The following HPGD variants were observed in gnomAD, a reference collection of about 807,000 sequenced individuals.
HPGD encodes the protein 15-hydroxyprostaglandin dehydrogenase, also known as 15-hydroxyprostaglandin dehydrogenase [NAD(+)].
In HPGD, 29 loss-of-function variants were observed where a neutral mutation model predicts 30.0. The ratio of observed to expected loss-of-function variants is 0.97; its 90% CI spans 0.72 to 1.32. HPGD has a LOEUF of 1.32. Among genes scored for constraint, HPGD ranks in the 40% most tolerant of loss-of-function variants. The pLI, the probability that HPGD is intolerant of heterozygous loss-of-function variation, is 0.00. For missense variants in HPGD, 340 were observed against 322.1 expected (o/e 1.06, Z -0.43); for synonymous variants, 99 against 112.4 (o/e 0.88, Z 0.75).
intron 4 of HPGD, among the ~76,000 whole-genome samples, chr4:174,504,427 A>G (rs375551436): frequency 8.5e-5 from 13 of 152,268 alleles, no homozygotes; most frequent in African/African-American, 2.6e-4. Context: ...GCATGTCCCT[A>G]GTGAACACCA....
intron 3 of HPGD, among the ~76,000 whole-genome samples, chr4:174,514,181 A>C (rs1464175816): frequency 6.6e-6 from 1 of 152,144 alleles, no homozygotes; most frequent in Non-Finnish European, 1.5e-5. Context: ...ATAATGGAAG[A>C]TTTAGCCAAG....
chr4:174,501,943 C>A (rs1215077859), intron 4 of HPGD, among the ~76,000 whole-genome samples: 1 of 152,114 alleles, frequency 6.6e-6, no homozygotes, highest in African/African-American at 2.4e-5. Context: ...ACAGGGCAGT[C>A]ATACTAAATC....
At chr4:174,515,735 C>T (rs567726284) in intron 3 of HPGD, among the ~76,000 whole-genome samples, 1 of 151,914 alleles carries the variant, frequency 6.6e-6, no homozygotes, top group Admixed American at 6.6e-5. Flanking sequence ...TGACAAAGGT[C>T]TAATATACAG....
chr4:174,522,656 C>T, upstream of HPGD: 1 of 471,132 alleles, frequency 2.1e-6, no homozygotes, highest in Non-Finnish European at 3.7e-6. Flanking sequence ...CGCCAAGCTT[C>T]GCGATCTTTG....
intron 2 of HPGD, 31 bp downstream of exon 2, chr4:174,521,913 C>T: frequency 6.2e-7 from 1 of 1,613,652 alleles, no homozygotes; most frequent in Non-Finnish European, 8.5e-7. Flanking sequence ...AGAGCACGTT[C>T]CCAGTTGACA....
rs983779110 is a variant in HPGD, at chr4:174,522,313, G to A, written c.93+46C>T. The A allele has an allele frequency of 4.0e-6, 6 of 1,505,300 alleles. No homozygotes were observed. The Admixed American group carries it at 9.8e-5, about 25-fold the overall frequency. The allele number at this position is 1,505,300 out of a possible 1,614,324, so 93.2% of individuals were successfully genotyped here. A position where few individuals can be genotyped will look rare whatever the true frequency, so the allele number is the denominator to read the frequency against. On this transcript the variant is annotated intron_variant, in intron 1 of 6. Transcript: ENST00000296522. ...CACCTCGGGCGGCGGGGCGAGTCTC[G>A]GAGTGTGTGGGCAGAGAAATTTCCG...
intron 2 of HPGD, 107 bp downstream of exon 2, chr4:174,521,837 C>T (rs888255948): frequency 1.5e-6 from 2 of 1,313,880 alleles, no homozygotes; most frequent in Non-Finnish European, 2.2e-6. Context: ...TAGCTGCTCT[C>T]GAGGAGGCAG....
intron 4 of HPGD, among the ~76,000 whole-genome samples, chr4:174,497,572 T>TC (rs1560976946): frequency 3.2e-3 from 31 of 9,644 alleles, no homozygotes; most frequent in African/African-American, 5.4e-3. Flanking sequence ...TTCTTTCTTT[T>TC]TTTTTTTTTT....
chr4:174,521,019 C>T (rs1736075334), intron 2 of HPGD, among the ~76,000 whole-genome samples: 1 of 152,116 alleles, frequency 6.6e-6, no homozygotes, highest in Admixed American at 6.5e-5. Flanking sequence ...AATAAATGTA[C>T]ATTTGATGTC....
chr4:174,508,796 A>ATT lies in HPGD; in HGVS notation c.325-5_325-4insAA. The ATT allele has an allele frequency of 6.8e-7, 1 of 1,480,600 alleles. No homozygotes were observed. Among genetic ancestry groups the ATT allele is most frequent in the Non-Finnish European group, 9.4e-7 (1 of 1,059,130 alleles). The allele number at this position is 1,480,600 out of a possible 1,614,324, so 91.7% of individuals were successfully genotyped here. A position where few individuals can be genotyped will look rare whatever the true frequency, so the allele number is the denominator to read the frequency against. ...AGGTTCCACTGATAACAGAAACCTA[A>ATT]TCCAGAGGCATAAGTGAGAAAAGGA... On this transcript the variant is annotated splice_region_variant and splice_polypyrimidine_tract_variant and intron_variant, in intron 3 of 6. Coordinates refer to ENST00000296522, the MANE Select transcript of HPGD (RefSeq NM_000860.6).
rs536087464 is a variant in HPGD at position 174,517,100 on chromosome 4, C to G, written c.324+871G>C. Among the ~76,000 whole-genome samples, 150 of 152,178 alleles carry G rather than the reference C, an allele frequency of 9.9e-4. 1 individual carries two copies. The highest frequency in any genetic ancestry group is 1.8e-3 in the Non-Finnish European group (124 of 68,032). ...AGCAAGGTCAGGGAGACCCCAGGCA[C>G]AGCCTATTTGACATTTAGTTTTAGT... On this transcript the variant is annotated intron_variant, in intron 3 of 6. Transcript: ENST00000296522.
chr4:174,521,891 T>C, intron 2 of HPGD, 53 bp downstream of exon 2: 2 of 1,611,614 alleles, frequency 1.2e-6, no homozygotes, highest in Non-Finnish European at 1.7e-6. Flanking sequence ...GCCTTCAGGT[T>C]GTTGCTTGTT....
chr4:174,516,366 C>T (rs1014061215), intron 3 of HPGD, among the ~76,000 whole-genome samples: 3 of 152,142 alleles, frequency 2.0e-5, no homozygotes, highest in Non-Finnish European at 4.4e-5. Context: ...GAGCATTATC[C>T]TAAGCAAATT....
chr4:174,521,939 C>G lies in HPGD; in HGVS notation c.217+5G>C, dbSNP rs1467749749. On this transcript the variant is annotated splice_donor_5th_base_variant and intron_variant, in intron 2 of 6. Coordinates refer to ENST00000296522, the MANE Select transcript of HPGD (RefSeq NM_000860.6). ...CCAGTTGACAGATTGATTCCCCTGT[C>G]TTACCTCTCAGTTGTTGCTGGTCAG... 1.9e-6 allele frequency: 3 copies of G among 1,614,114 alleles called. No homozygotes were observed. Among genetic ancestry groups the G allele is most frequent in the Non-Finnish European group, 2.5e-6 (3 of 1,179,994 alleles).
At position 174,495,552 on chromosome 4, in the gene HPGD, G is replaced by C; in HGVS notation, c.494C>G (p.Ala165Gly). Residue 165 changes from alanine to glycine, a missense_variant, in exon 5 of 7, where the codon GCA becomes GGA. Ala to Gly is a moderately conservative substitution (Grantham distance 60). Coordinates refer to ENST00000296522, the MANE Select transcript of HPGD (RefSeq NM_000860.6). ...TGACGGTTGTTGTAGCCTCACCGCTGCTGAGCGTGTGAATCCAACTATGCC... is the reference window on the plus strand; with the variant it reads ...TGACGGTTGTTGTAGCCTCACCGCTCCTGAGCGTGTGAATCCAACTATGCC... ...KHGIVGFTRS[A>G]ALAANLMNSG... 2 of 1,608,710 alleles carry C rather than the reference G, an allele frequency of 1.2e-6. No individual in the cohort carries two copies. Among genetic ancestry groups the C allele is most frequent in the Non-Finnish European group, 1.7e-6 (2 of 1,175,126 alleles).
intron 4 of HPGD, chr4:174,506,686 A>G (rs1735207198): frequency 6.6e-6 from 1 of 152,252 alleles, no homozygotes; most frequent in African/African-American, 2.4e-5. Flanking sequence ...TCAGGTAAAC[A>G]GTGCTCAATA....
intron 4 of HPGD, among the ~76,000 whole-genome samples, chr4:174,501,073 T>A (rs890815987): frequency 2.1e-4 from 32 of 152,318 alleles, no homozygotes; most frequent in Admixed American, 8.5e-4. Flanking sequence ...ACATAAGAAC[T>A]ATGTGTTTAG....
intron 5 of HPGD, 24 bp downstream of exon 5, chr4:174,495,523 GA>G (rs780482532): frequency 1.3e-6 from 2 of 1,529,912 alleles, no homozygotes; most frequent in Non-Finnish European, 1.8e-6. Flanking sequence ...GAGAAAATGA[GA>G]TATGACGGTT....
At chr4:174,512,700 A>G (rs1735569772) in intron 3 of HPGD, among the ~76,000 whole-genome samples, 1 of 152,226 alleles carries the variant, frequency 6.6e-6, no homozygotes, top group South Asian at 2.1e-4. Flanking sequence ...TAAGTAATAC[A>G]TTGGTAACAA....
Sources: allele counts gnomAD v4.1 joint callset (sites outside exome capture counted in the v4.1 genomes callset), GRCh38; gene constraint gnomAD v4.1.1; transcripts MANE v1.5; gene names NCBI Gene and HGNC (gene_info 2026-07-23, HGNC 2026-07-21).